The following TANC2 variants were observed in gnomAD, a reference collection of about 807,000 sequenced individuals.
The protein encoded by TANC2 is tetratricopeptide repeat, ankyrin repeat and coiled-coil containing 2, also known as protein TANC2.
In TANC2, 26 loss-of-function variants were observed where a neutral mutation model predicts 210.5. The ratio of observed to expected loss-of-function variants is 0.12; its 90% CI spans 0.09 to 0.17. The LOEUF (loss-of-function observed/expected upper bound fraction) is 0.17. Ranked by LOEUF, TANC2 falls within the 10% of genes least tolerant of loss-of-function variation. The pLI is 1.00. For synonymous variants in TANC2, 931 were observed against 967.1 expected (o/e 0.96, Z 0.69); for missense variants, 2,129 against 2,608.9 (o/e 0.82, Z 4.01).
exon 8 of TANC2, chr17:63,237,993 C>G: frequency 6.3e-7 from 1 of 1,576,502 alleles, no homozygotes; most frequent in Non-Finnish European, 8.6e-7. Flanking sequence ...GAATAAGATC[C>G]CAGAGAGAAA....
intron 2 of TANC2, among the ~76,000 whole-genome samples, chr17:63,068,790 TTAAAA>T (rs1052923577): frequency 2.0e-5 from 3 of 151,516 alleles, no homozygotes; most frequent in African/African-American, 7.3e-5. Context: ...AATTCTAGAG[TTAAAA>T]TGAACGTCCA....
At chr17:63,205,025 C>T (rs940950270) in intron 7 of TANC2, among the ~76,000 whole-genome samples, 1 of 152,040 alleles carries the variant, frequency 6.6e-6, no homozygotes, top group Admixed American at 6.6e-5. Flanking sequence ...GCAGAGGTTG[C>T]AGTGAGCTGA....
chr17:63,215,895 G>A (rs577049050), intron 7 of TANC2, among the ~76,000 whole-genome samples: 8 of 151,428 alleles, frequency 5.3e-5, no homozygotes, highest in Admixed American at 1.3e-4. Context: ...GACTACAGGC[G>A]TCCGCCACCA....
Position 63,237,816 on chromosome 17 carries a change from A to G in TANC2, c.772A>G (p.Thr258Ala), listed in dbSNP as rs2146052824. 3 of 1,536,228 alleles carry G rather than the reference A, an allele frequency of 2.0e-6. No homozygotes were observed. The highest frequency in any genetic ancestry group is 2.6e-6 in the Non-Finnish European group (3 of 1,142,056). ...TCATTTTACTCTTTTTTTTTCAGCT[A>G]CATTAACAAGCTATTCTGAAAATGT... Residue 258 changes from threonine (T) to alanine (A), a missense_variant and splice_region_variant, in exon 8 of 28, where the codon ACA becomes GCA. Thr to Ala is a moderately conservative substitution (Grantham distance 58). This residue lies in a region of TANC2 where 739 missense variants were observed against 848.0 expected (regional missense o/e 0.87). Coordinates refer to ENST00000689528, the Ensembl canonical transcript of TANC2.
At position 63,420,288 on chromosome 17, in the gene TANC2, G is replaced by A. The variant is rs756832425; in HGVS notation, c.4558G>A (p.Gly1520Arg). The A allele has an allele frequency of 1.9e-6, 3 of 1,613,704 alleles. No individual in the cohort carries two copies. The Admixed American group carries it at 5.0e-5, about 27-fold the overall frequency. Residue 1520 changes from glycine (G) to arginine (R), a missense_variant, in exon 28 of 28, where the codon GGG (glycine) becomes AGG (arginine). Coordinates refer to ENST00000689528, the Ensembl canonical transcript of TANC2. The surrounding 1 kb of genome is among the most constrained non-coding windows in gnomAD (Gnocchi z 4.2). ...CCAGACAGAGGCCCGGCCCAGCCAG[G>A]GGCTCCCGGTCATCCAGAGCCCACC... is the stretch of plus-strand genomic sequence containing the variant.
intron 9 of TANC2, among the ~76,000 whole-genome samples, chr17:63,311,001 C>T (rs749770544): frequency 5.9e-5 from 9 of 152,112 alleles, no homozygotes; most frequent in Non-Finnish European, 1.0e-4. Context: ...TACCGCTTTT[C>T]GTGAGAGGAA....
intron 3 of TANC2, among the ~76,000 whole-genome samples, chr17:63,087,092 C>A (rs1321364159): frequency 6.6e-6 from 1 of 152,230 alleles, no homozygotes; most frequent in South Asian, 2.1e-4. Flanking sequence ...CCTTTAAGAG[C>A]TGTAACAATC....
At chr17:63,220,839 T>C (rs532189870) in intron 7 of TANC2, among the ~76,000 whole-genome samples, 8 of 148,650 alleles carry the variant, frequency 5.4e-5, no homozygotes, top group African/African-American at 9.8e-5. Flanking sequence ...TGTATATATG[T>C]GTGTATATAC....
Position 63,367,370 on chromosome 17 carries a change from G to T in TANC2, c.2582+11980G>T, listed in dbSNP as rs554728880. Among the ~76,000 whole-genome samples the T allele has an allele frequency of 5.9e-5, 9 of 152,164 alleles. No homozygotes were observed. The South Asian group carries it at 8.3e-4, about 14-fold the overall frequency. Reference sequence around the variant, plus strand: ...TTTGAATGTGGCCCAACATAAATTCGTACACTTTCTCAAAACATGATGAGA... The same window carrying T: ...TTTGAATGTGGCCCAACATAAATTCTTACACTTTCTCAAAACATGATGAGA... On this transcript the variant is annotated intron_variant, in intron 14 of 27. Transcript: ENST00000689528.
chr17:63,363,338 T>C (rs554070606), intron 14 of TANC2, among the ~76,000 whole-genome samples: 54 of 152,340 alleles, frequency 3.5e-4, no homozygotes, highest in African/African-American at 1.1e-3. Context: ...TTCCTTCCTT[T>C]GCTGTGCAGA....
intron 10 of TANC2, among the ~76,000 whole-genome samples, chr17:63,317,665 A>C (rs1315081124): frequency 6.6e-6 from 1 of 152,252 alleles, no homozygotes. Context: ...AACAGCTGTT[A>C]AGTAAATAAA....
intron 9 of TANC2, among the ~76,000 whole-genome samples, chr17:63,310,749 C>A (rs890375279): frequency 6.6e-6 from 1 of 152,102 alleles, no homozygotes; most frequent in Non-Finnish European, 1.5e-5. Flanking sequence ...AATGAGATGC[C>A]ATTCTTAACT....
At chr17:63,162,388 AT>A (rs1426192317) in intron 5 of TANC2, among the ~76,000 whole-genome samples, 2 of 152,184 alleles carry the variant, frequency 1.3e-5, no homozygotes, top group Non-Finnish European at 2.9e-5. Context: ...CTTTCAAAGA[AT>A]TCTGTGATGA....
In TANC2 at chr17:63,186,596, A is replaced by AC. The variant is rs909654030; in HGVS notation, c.434-7389dup. Among the ~76,000 whole-genome samples the AC allele has an allele frequency of 4.0e-4, 60 of 150,048 alleles. No homozygotes were observed. In the East Asian group the frequency reaches 4.1e-3, roughly 10 times the overall value. ...TCAAACTCCTGACCTCAGGTGATCC[A>AC]CCCCCCGCTTCAGCCTCCCAAAGTG... On this transcript the variant is annotated intron_variant, in intron 5 of 27. Transcript: ENST00000689528.
intron 2 of TANC2, among the ~76,000 whole-genome samples, chr17:63,024,112 A>G (rs562630881): frequency 5.9e-5 from 9 of 152,232 alleles, no homozygotes; most frequent in Non-Finnish European, 7.3e-5. Flanking sequence ...AAAGTTTAAT[A>G]GAACTGTTAC....
At chr17:63,020,990 C>T (rs2034322562) in intron 2 of TANC2, among the ~76,000 whole-genome samples, 1 of 152,114 alleles carries the variant, frequency 6.6e-6, no homozygotes, top group Non-Finnish European at 1.5e-5. Context: ...TCCCTCATTA[C>T]CATGGGGAGG....
chr17:63,237,190 C>T (rs191444168), intron 7 of TANC2, among the ~76,000 whole-genome samples: 3 of 151,790 alleles, frequency 2.0e-5, no homozygotes, highest in Non-Finnish European at 3.0e-5. Flanking sequence ...TGGTATAAGA[C>T]GGTGGTTTTA....
chr17:63,419,100 G>A (rs2048949087), intron 27 of TANC2, among the ~76,000 whole-genome samples: 4 of 152,158 alleles, frequency 2.6e-5, no homozygotes, highest in Admixed American at 2.6e-4. Flanking sequence ...TGTCTCTTAT[G>A]CCTCCTGCCC....
chr17:63,093,156 C>T (rs896985277), intron 3 of TANC2, among the ~76,000 whole-genome samples: 2 of 151,904 alleles, frequency 1.3e-5, no homozygotes, highest in Admixed American at 6.6e-5. Flanking sequence ...ATCTACCTGA[C>T]CCAAGGTCAC....
Sources: allele counts gnomAD v4.1 joint callset (sites outside exome capture counted in the v4.1 genomes callset), GRCh38; gene constraint gnomAD v4.1.1; regional missense constraint gnomAD v4.1.1; non-coding constraint Gnocchi (gnomAD v3.1); transcripts MANE v1.5; gene names NCBI Gene and HGNC (gene_info 2026-07-23, HGNC 2026-07-21).